Variants in ARL13A observed in about 807,000 individuals in gnomAD.
ARL13A encodes the protein ARF like GTPase 13A.
In ARL13A, 16 loss-of-function variants were observed where a neutral mutation model predicts 19.1. The ratio of observed to expected loss-of-function variants is 0.84; its 90% confidence interval spans 0.57 to 1.27. The LOEUF is 1.27. ARL13A is among the 50% of genes most tolerant of loss of function. The pLI is 0.00. For missense variants in ARL13A, 153 were observed against 186.4 expected, an observed-to-expected ratio of 0.82 and a Z score of 1.04; for synonymous variants, 69 against 71.3, an observed-to-expected ratio of 0.97 and a Z score of 0.17.
At chrX:100,973,808 T>C (rs1212951431) in intron 2 of ARL13A, 60 bp downstream of exon 2, 1 of 1,088,881 alleles carries the variant, frequency 9.2e-7, no homozygotes, top group Non-Finnish European at 1.3e-6. Context: ...AATCTGCCCA[T>C]AGTCCCTCAA....
intron 3 of ARL13A, among the ~76,000 whole-genome samples, chrX:100,975,767 G>T (rs915330263): frequency 9.1e-6 from 1 of 109,473 alleles, no homozygotes; most frequent in Non-Finnish European, 1.9e-5. Flanking sequence ...CGAGTAGCTG[G>T]GATTACATGT....
intron 1 of ARL13A, among the ~76,000 whole-genome samples, chrX:100,970,728 A>G (rs895273427): frequency 2.7e-5 from 3 of 111,472 alleles, no homozygotes; most frequent in Non-Finnish European, 3.8e-5. Flanking sequence ...GCCTGGTATA[A>G]GTAGACTCAT....
intron 3 of ARL13A, among the ~76,000 whole-genome samples, chrX:100,982,742 A>C (rs2085879673): frequency 9.5e-6 from 1 of 105,537 alleles, no homozygotes; most frequent in African/African-American, 3.5e-5. Context: ...TACAGCCTCG[A>C]TTGACCAGGC....
intron 3 of ARL13A, among the ~76,000 whole-genome samples, chrX:100,985,408 G>A (rs1190091738): frequency 3.6e-5 from 4 of 111,889 alleles, no homozygotes; most frequent in African/African-American, 1.3e-4. Flanking sequence ...GATGATTTAG[G>A]AAGATAGCCC....
At position 100,973,825 on chromosome X, in the gene ARL13A, AATCTTCATAATAT is replaced by A; in HGVS notation, c.59+80_59+92del. 10 of 986,373 alleles carry A rather than the reference AATCTTCATAATAT, an allele frequency of 1.0e-5. No homozygotes were observed. The South Asian group carries it at 2.0e-4, about 20-fold the overall frequency. The allele number at this position is 986,373 out of a possible 1,213,427, so 81.3% of individuals were successfully genotyped here. A position where few individuals can be genotyped will look rare whatever the true frequency, so the allele number is the denominator to read the frequency against. On this transcript the variant is annotated intron_variant, in intron 2 of 7. Coordinates refer to ENST00000450049, the MANE Select transcript of ARL13A (RefSeq NM_001162491.2). Reference sequence around the variant, plus strand: ...TCTGCCCATAGTCCCTCAAGGGACAAATCTTCATAATATATATTGTTAGGTGAAGTGATTAAGC... The same window carrying A: ...TCTGCCCATAGTCCCTCAAGGGACAAATATTGTTAGGTGAAGTGATTAAGC...
In ARL13A at chrX:100,986,050, G is replaced by A. The variant is rs148481567; in HGVS notation, c.380+134G>A. On this transcript the variant is annotated intron_variant, in intron 4 of 7. Transcript: ENST00000450049. ...TCCCTTAGGCTCAGTGAGGTAGAGC[G>A]GCCCAATTTTCTGAGGTTTGTTCTC... 550 of 779,282 alleles carry A rather than the reference G, an allele frequency of 7.1e-4. 3 individuals are homozygous for A. In the African/African-American group the frequency reaches 0.01, roughly 14 times the overall value. The allele number at this position is 779,282 out of a possible 1,213,427, so 64.2% of individuals were successfully genotyped here.
At chrX:100,980,990 T>C (rs1364282352) in intron 3 of ARL13A, among the ~76,000 whole-genome samples, 1 of 111,729 alleles carries the variant, frequency 9.0e-6, no homozygotes, top group Non-Finnish European at 1.9e-5. Flanking sequence ...TTCTCTTTAC[T>C]CTTCCCTCTC....
At chrX:100,984,100 C>CT (rs199596889) in intron 3 of ARL13A, among the ~76,000 whole-genome samples, 74 of 101,606 alleles carry the variant, frequency 7.3e-4, no homozygotes, top group Non-Finnish European at 1.1e-3. Flanking sequence ...CATTTTCCTT[C>CT]TTTTTTTTTT....
intron 1 of ARL13A, 41 bp from the exon 2 acceptor site, chrX:100,973,635 A>G: frequency 8.7e-7 from 1 of 1,155,534 alleles, no homozygotes; most frequent in Non-Finnish European, 1.2e-6. Context: ...TGTTTATAAC[A>G]GGACTTACTT....
chrX:100,984,145 C>T (rs1451406583), intron 3 of ARL13A, among the ~76,000 whole-genome samples: 2 of 104,479 alleles, frequency 1.9e-5, no homozygotes, highest in African/African-American at 7.0e-5. Flanking sequence ...TGGAGTTTCA[C>T]TCTTGTCCCC....
chrX:100,988,093 C>T, intron 6 of ARL13A, 100 bp from the exon 7 acceptor site: 1 of 646,926 alleles, frequency 1.5e-6, no homozygotes, highest in Non-Finnish European at 2.4e-6. Flanking sequence ...ACTTTCATTG[C>T]CCAAAGGCAT....
In ARL13A at chrX:100,987,442, T is replaced by A; in HGVS notation, c.539T>A (p.Val180Asp). The change falls in exon 6 of 8, where the codon GTT becomes GAT. Residue 180 changes from valine to aspartate, a missense_variant. Physicochemically the swap from Val to Asp is radical, Grantham distance 152. Coordinates refer to ENST00000450049, the MANE Select transcript of ARL13A (RefSeq NM_001162491.2). ...NLERRNHQPI[V>D]EGLRWLLAVI... Reference sequence around the variant, plus strand: ...GAAAGAAGAAACCATCAGCCCATAGTTGAAGGACTGCGCTGGCTATTAGCT... The same window carrying A: ...GAAAGAAGAAACCATCAGCCCATAGATGAAGGACTGCGCTGGCTATTAGCT... The A allele has an allele frequency of 8.3e-7, 1 of 1,211,276 alleles. No individual in the cohort carries two copies. The highest frequency in any genetic ancestry group is 1.8e-5 in the South Asian group (1 of 56,966).
intron 3 of ARL13A, among the ~76,000 whole-genome samples, 161 bp from the exon 4 acceptor site, chrX:100,985,506 A>G: frequency 9.0e-6 from 1 of 111,559 alleles, no homozygotes; most frequent in East Asian, 2.8e-4. Flanking sequence ...TGATCTAACT[A>G]TATTTCCCTA....
intron 7 of ARL13A, 138 bp from the exon 8 acceptor site, chrX:100,990,424 G>T: frequency 3.1e-6 from 3 of 954,124 alleles, no homozygotes; most frequent in Non-Finnish European, 3.9e-6. Flanking sequence ...TAGCAAACAG[G>T]TTCATCTCCA....
intron 3 of ARL13A, among the ~76,000 whole-genome samples, chrX:100,977,261 G>A (rs952546395): frequency 2.8e-5 from 3 of 108,241 alleles, no homozygotes; most frequent in Non-Finnish European, 5.7e-5. Flanking sequence ...TTGTGCTATC[G>A]AATACTAGAT....
chrX:100,989,860 G>A (rs1161361035), intron 7 of ARL13A, among the ~76,000 whole-genome samples: 2 of 112,485 alleles, frequency 1.8e-5, no homozygotes, highest in East Asian at 5.6e-4. Flanking sequence ...GGAGGGGCTT[G>A]GACTTGGCCT....
chrX:100,978,732 A>G (rs2085807203), intron 3 of ARL13A, among the ~76,000 whole-genome samples: 1 of 108,215 alleles, frequency 9.2e-6, no homozygotes. Context: ...TCACCTTGTT[A>G]TTTGCTTTCT....
intron 3 of ARL13A, among the ~76,000 whole-genome samples, chrX:100,984,477 A>G (rs1185171618): frequency 9.0e-6 from 1 of 111,471 alleles, no homozygotes; most frequent in African/African-American, 3.3e-5. Context: ...TGGGAGTTGA[A>G]TGAGGTATGG....
chrX:100,988,105 T>C (rs1569463659), intron 6 of ARL13A, 88 bp from the exon 7 acceptor site: 1 of 711,879 alleles, frequency 1.4e-6, no homozygotes, highest in South Asian at 2.7e-5. Flanking sequence ...CAAAGGCATA[T>C]GGCAGGGATG....
Sources: allele counts gnomAD v4.1 joint callset (sites outside exome capture counted in the v4.1 genomes callset), GRCh38; gene constraint gnomAD v4.1.1; transcripts MANE v1.5; gene names NCBI Gene and HGNC (gene_info 2026-07-23, HGNC 2026-07-21).